PCDHGB4: variants seen among roughly 807,000 people sequenced by gnomAD.
PCDHGB4 encodes protocadherin gamma subfamily B, 4.
In PCDHGB4, 38 loss-of-function variants were observed where a neutral mutation model predicts 60.5. The ratio of observed to expected loss-of-function variants is 0.63; its 90% CI spans 0.48 to 0.82. PCDHGB4 has a LOEUF of 0.82. Ranked by LOEUF, PCDHGB4 falls within the 40% of genes least tolerant of loss-of-function variation. The pLI is 0.00. For missense variants in PCDHGB4, 1,109 were observed against 1,209.6 expected (o/e 0.92, Z 1.23); for synonymous variants, 456 against 509.7 (o/e 0.89, Z 1.42).
intron 1 of PCDHGB4, among the ~76,000 whole-genome samples, chr5:141,433,818 CA>C (rs2097653666): frequency 7.5e-6 from 1 of 133,558 alleles, no homozygotes; most frequent in African/African-American, 2.9e-5. Flanking sequence ...GCCTGGGCAA[CA>C]AGAGTGAAAC....
chr5:141,439,176 T>C (rs1044289122), intron 1 of PCDHGB4, among the ~76,000 whole-genome samples: 3 of 146,068 alleles, frequency 2.1e-5, no homozygotes, highest in African/African-American at 7.8e-5. Context: ...CTGGGCGACA[T>C]AGTGAGACTC....
intron 1 of PCDHGB4, chr5:141,414,372 A>G: frequency 1.2e-6 from 2 of 1,613,914 alleles, no homozygotes; most frequent in Non-Finnish European, 1.7e-6. Context: ...TTAAATTAGA[A>G]AAGTCCATTG....
chr5:141,395,302 T>C, intron 1 of PCDHGB4: 1 of 1,516,670 alleles, frequency 6.6e-7, no homozygotes, highest in East Asian at 2.3e-5. Flanking sequence ...AATTATGTTT[T>C]GAAAAACATT....
rs765887978 is a variant in PCDHGB4 at position 141,486,476 on chromosome 5, C to T, written c.2398-8331C>T. The T allele has an allele frequency of 8.7e-6, 14 of 1,613,934 alleles. No homozygotes were observed. The highest frequency in any genetic ancestry group is 1.7e-5 in the Admixed American group (1 of 60,016). ...TGCTTCTGATGCTGGGAACCCTCCT[C>T]TCAGTACCCACAGAACTATTTTCCT... On this transcript the variant is annotated intron_variant, in intron 1 of 3. Transcript: ENST00000519479. This position sits in a 1 kb window ranked among gnomAD's most constrained non-coding sequence, Gnocchi z 5.0.
chr5:141,468,939 G>A (rs2099186103), intron 1 of PCDHGB4, among the ~76,000 whole-genome samples: 1 of 144,350 alleles, frequency 6.9e-6, no homozygotes, highest in Non-Finnish European at 1.5e-5. Context: ...ATGGGAGATG[G>A]GGTAAACCTG....
Position 141,498,971 on chromosome 5 carries a change from GGGAAGGAAGGAAGGAAGGAAGGAA to G in PCDHGB4, c.2456+4140_2456+4163del, listed in dbSNP as rs201769957. 5.1e-3 allele frequency among the ~76,000 whole-genome samples: 569 copies of G among 111,048 alleles called. 6 individuals carry two copies. Among genetic ancestry groups the G allele is most frequent in the South Asian group, 0.024 (65 of 2,658 alleles). 72.9% of individuals were successfully genotyped at this position (111,048 alleles called of 152,430 possible). A position where few individuals can be genotyped will look rare whatever the true frequency, so the allele number is the denominator to read the frequency against. On this transcript the variant is annotated intron_variant, in intron 2 of 3. Coordinates refer to ENST00000519479, the MANE Select transcript of PCDHGB4 (RefSeq NM_003736.4). ...AAAAAGAGAGAGAGGGAGGGAGGGA[GGGAAGGAAGGAAGGAAGGAAGGAA>G]GGAAGGAAGGAAGGAAGGAAGGAAG...
chr5:141,398,212 C>T, intron 1 of PCDHGB4: 1 of 1,484,360 alleles, frequency 6.7e-7, no homozygotes, highest in South Asian at 1.3e-5. Flanking sequence ...CTGCCCGGCG[C>T]TCTGTGAGCA....
In PCDHGB4 at chr5:141,511,233, T is replaced by C. The variant is rs776405064; in HGVS notation, c.*60T>C. 5.0e-6 allele frequency: 8 copies of C among 1,595,310 alleles called. No homozygotes were observed. Among genetic ancestry groups the C allele is most frequent in the Non-Finnish European group, 6.8e-6 (8 of 1,170,902 alleles). On this transcript the variant is annotated 3_prime_UTR_variant, in exon 4 of 4. Transcript: ENST00000519479. ...CTCCCCAACCAGCCCAGCTTCTCCT[T>C]ACCTGCACCCAGGCCTCAGAGTTTC...
rs1554116873 is a variant in PCDHGB4 at position 141,423,758 on chromosome 5, G to GT, written c.2397+33477_2397+33478insT. On this transcript the variant is annotated intron_variant, in intron 1 of 3. Coordinates refer to ENST00000519479, the MANE Select transcript of PCDHGB4 (RefSeq NM_003736.4). Reference sequence around the variant, plus strand: ...CTGTTATGAAAACTGTTTGGGGGGGGGGTGGGGCGGCATATATTTAGTTCA... The same window carrying GT: ...CTGTTATGAAAACTGTTTGGGGGGGGTGGTGGGGCGGCATATATTTAGTTCA... 14 of 366,842 alleles carry GT rather than the reference G, an allele frequency of 3.8e-5. 1 individual carries two copies. The highest frequency in any genetic ancestry group is 5.4e-5 in the Non-Finnish European group (14 of 259,742). The allele number at this position is 366,842 out of a possible 1,614,324, so 22.7% of individuals were successfully genotyped here. A position where few individuals can be genotyped will look rare whatever the true frequency, so the allele number is the denominator to read the frequency against.
chr5:141,492,091 C>G (rs930375969), intron 1 of PCDHGB4, among the ~76,000 whole-genome samples: 5 of 152,242 alleles, frequency 3.3e-5, no homozygotes, highest in Non-Finnish European at 5.9e-5. Flanking sequence ...CACGCTTCGC[C>G]GGTCTGTAGA....
chr5:141,507,151 G>C (rs1423834553), intron 3 of PCDHGB4: 2 of 152,192 alleles, frequency 1.3e-5, no homozygotes, highest in African/African-American at 4.8e-5. Context: ...TATTACCTGA[G>C]CAGGATGAGA....
At position 141,491,825 on chromosome 5, in the gene PCDHGB4, C is replaced by A. The variant is rs948385010; in HGVS notation, c.2398-2982C>A. ...CGGCTTGGTCGCTGGCTGCGCTCCA[C>A]CCGATTCTCGGGATCATTGGACCGT... On this transcript the variant is annotated intron_variant, in intron 1 of 3. Coordinates refer to ENST00000519479, the MANE Select transcript of PCDHGB4 (RefSeq NM_003736.4). This position sits in a 1 kb window ranked among gnomAD's most constrained non-coding sequence, Gnocchi z 6.9. 145 of 1,478,052 alleles carry A rather than the reference C, an allele frequency of 9.8e-5. No homozygotes were observed. Among genetic ancestry groups the A allele is most frequent in the Non-Finnish European group, 1.3e-4 (142 of 1,114,822 alleles). 91.6% of individuals were successfully genotyped at this position (1,478,052 alleles called of 1,614,324 possible). A position where few individuals can be genotyped will look rare whatever the true frequency, so the allele number is the denominator to read the frequency against.
intron 3 of PCDHGB4, chr5:141,507,000 TGA>T (rs1235660361): frequency 1.3e-5 from 2 of 152,218 alleles, no homozygotes; most frequent in African/African-American, 4.8e-5. Flanking sequence ...ACTCGACAGA[TGA>T]GAGAACCGAG....
chr5:141,500,403 G>GT (rs2099800018), intron 2 of PCDHGB4, among the ~76,000 whole-genome samples: 1 of 151,706 alleles, frequency 6.6e-6, no homozygotes, highest in Non-Finnish European at 1.5e-5. Context: ...TAGAGACGGG[G>GT]TTTCACCGTG....
intron 1 of PCDHGB4, among the ~76,000 whole-genome samples, chr5:141,472,405 G>A (rs1207849470): frequency 6.6e-6 from 1 of 152,086 alleles, no homozygotes; most frequent in Non-Finnish European, 1.5e-5. Flanking sequence ...GCCAGGCGTG[G>A]TGGCACGCAC....
chr5:141,422,975 C>T (rs751065595), intron 1 of PCDHGB4: 130 of 1,614,092 alleles, frequency 8.1e-5, no homozygotes, highest in Non-Finnish European at 1.0e-4. Context: ...CCCCGCTCTG[C>T]GGAACCTGGC....
At chr5:141,465,831 T>A (rs997004387) in intron 1 of PCDHGB4, among the ~76,000 whole-genome samples, 1 of 151,980 alleles carries the variant, frequency 6.6e-6, no homozygotes, top group African/African-American at 2.4e-5. Context: ...TTGTTTAAAA[T>A]TTCAACTGAG....
chr5:141,428,194 T>C (rs2097123409), intron 1 of PCDHGB4: 1 of 1,414,108 alleles, frequency 7.1e-7, no homozygotes, highest in Admixed American at 1.8e-5. Flanking sequence ...CGCCGCTCTC[T>C]GCGCCGCTAC....
Position 141,422,774 on chromosome 5 carries a change from A to G in PCDHGB4, c.2397+32493A>G, listed in dbSNP as rs372343628. On this transcript the variant is annotated intron_variant, in intron 1 of 3. Coordinates refer to ENST00000519479, the MANE Select transcript of PCDHGB4 (RefSeq NM_003736.4). ...ATTAACTCCAACACTGGTGTTCTCT[A>G]TGCCCTACAATCCTTCGACTATGAG... 100 of 1,613,880 alleles carry G rather than the reference A, an allele frequency of 6.2e-5. 1 individual carries two copies. In the Middle Eastern group the frequency reaches 1.3e-3, roughly 21 times the overall value.
Sources: gnomAD v4.1 joint callset for allele counts (sites outside exome capture counted in the v4.1 genomes callset) on GRCh38, gnomAD v4.1.1 for gene constraint, Gnocchi (gnomAD v3.1) non-coding constraint, MANE v1.5 for transcripts, NCBI Gene and HGNC (gene_info 2026-07-23, HGNC 2026-07-21) for gene names.